ARMH4: variants seen among roughly 807,000 people sequenced by gnomAD.
ARMH4 encodes armadillo like helical domain containing 4, also known as armadillo-like helical domain-containing protein 4.
ARMH4 carries 49 observed loss-of-function variants against 61.9 expected under a neutral mutation model. The ratio of observed to expected loss-of-function variants is 0.79; its 90% confidence interval spans 0.63 to 1.00. The LOEUF is 1.00. Ranked by LOEUF, ARMH4 falls within the 50% of genes least tolerant of loss-of-function variation. ARMH4 has a pLI of 0.00. For missense variants in ARMH4, 934 were observed against 930.0 expected (o/e 1.00, Z -0.06); for synonymous variants, 368 against 341.5 (o/e 1.08, Z -0.85).
At chr14:58,048,511 G>A (rs549625133) in intron 5 of ARMH4, among the ~76,000 whole-genome samples, 3 of 152,290 alleles carry the variant, frequency 2.0e-5, no homozygotes, top group South Asian at 2.1e-4. Flanking sequence ...TGACCAGTGC[G>A]GCTTTCTCCA....
chr14:58,121,903 AT>A lies in ARMH4; in HGVS notation c.1831+9608del, dbSNP rs899925245. Among the ~76,000 whole-genome samples, 11 of 152,340 alleles carry A rather than the reference AT, an allele frequency of 7.2e-5. 1 individual carries two copies. Among genetic ancestry groups the A allele is most frequent in the African/African-American group, 2.6e-4 (11 of 41,578 alleles). On this transcript the variant is annotated intron_variant, in intron 4 of 7. Transcript: ENST00000267485. ...TGTTCGTGTTAATAGTTATAAAATT[AT>A]TTTTTATTTAATTCCCATTCAACAG...
At chr14:58,031,587 G>C (rs1015492515) in intron 5 of ARMH4, among the ~76,000 whole-genome samples, 1 of 152,148 alleles carries the variant, frequency 6.6e-6, no homozygotes, top group Non-Finnish European at 1.5e-5. Flanking sequence ...ACTTGTGCGA[G>C]GTTTTATACT....
rs1334191371 is a variant in ARMH4, at chr14:58,133,175, CT to C, written c.1535del (p.Gln512ArgfsTer50). The C allele has an allele frequency of 6.2e-7, 1 of 1,614,126 alleles. No homozygotes were observed. Among genetic ancestry groups the C allele is most frequent in the Admixed American group, 1.7e-5 (1 of 60,026 alleles). On this transcript the variant is annotated frameshift_variant, in exon 3 of 8. Coordinates refer to ENST00000267485, the MANE Select transcript of ARMH4 (RefSeq NM_001001872.4). LOFTEE classifies it high-confidence loss of function. ...SPVSDVPGVT[Q>X]LSRRWEPLAT... Reference sequence around the variant, plus strand: ...CCAGAGGCTCCCATCTTCTTGACAGCTGAGTAACACCAGGAACGTCAGACAC... The same window carrying C: ...CCAGAGGCTCCCATCTTCTTGACAGCGAGTAACACCAGGAACGTCAGACAC...
chr14:58,051,672 T>A (rs1291129880), intron 5 of ARMH4, among the ~76,000 whole-genome samples: 4 of 152,214 alleles, frequency 2.6e-5, no homozygotes, highest in African/African-American at 7.2e-5. Flanking sequence ...GTCCTTTTCA[T>A]TCCAGGGCAT....
chr14:58,130,262 T>A (rs1312990773), intron 4 of ARMH4, among the ~76,000 whole-genome samples: 1 of 152,226 alleles, frequency 6.6e-6, no homozygotes, highest in African/African-American at 2.4e-5. Flanking sequence ...CACTTTGATC[T>A]GTTTCTTAAA....
Position 58,138,039 on chromosome 14 carries a change from G to A in ARMH4, c.1320C>T (p.Val440=). 1.2e-6 allele frequency: 2 copies of A among 1,613,988 alleles called. No homozygotes were observed. Among genetic ancestry groups the A allele is most frequent in the African/African-American group, 1.3e-5 (1 of 74,998 alleles). Reference sequence around the variant, plus strand: ...GGTCTGCCTCAGACTCATATACAGAGACAGAAACAGTGGTTTCTAAGAAAA... The same window carrying A: ...GGTCTGCCTCAGACTCATATACAGAAACAGAAACAGTGGTTTCTAAGAAAA... The part of the protein sequence containing the change: ...ALFFLETTVS[V]SVYESEADQL... Residue 440 remains valine, a synonymous_variant, in exon 2 of 8, where the codon GTC becomes GTT. Coordinates refer to ENST00000267485, the MANE Select transcript of ARMH4 (RefSeq NM_001001872.4).
chr14:58,038,561 A>AAT (rs200063214), intron 5 of ARMH4, among the ~76,000 whole-genome samples: 6 of 101,266 alleles, frequency 5.9e-5, no homozygotes, highest in Admixed American at 3.5e-4. Context: ...ATAAAAAAAA[A>AAT]TTAAAAAAAA....
Position 58,139,088 on chromosome 14 carries a change from A to ATTTTT in ARMH4, c.270_271insAAAAA (p.Ser91LysfsTer57). ...CCAGGCTGGGTTTCTTTGTTAATCGAGAATGCTTTATTTAATGATGTTGCC... is the reference window on the plus strand; with the variant it reads ...CCAGGCTGGGTTTCTTTGTTAATCGATTTTTGAATGCTTTATTTAATGATGTTGCC... On this transcript the variant is annotated frameshift_variant, in exon 2 of 8. Transcript: ENST00000267485. LOFTEE classifies it high-confidence loss of function. The ATTTTT allele has an allele frequency of 6.2e-7, 1 of 1,614,168 alleles. No homozygotes were observed. The highest frequency in any genetic ancestry group is 8.5e-7 in the Non-Finnish European group (1 of 1,180,034).
intron 5 of ARMH4, among the ~76,000 whole-genome samples, chr14:58,018,470 A>C (rs1270393315): frequency 3.0e-5 from 1 of 33,530 alleles, no homozygotes; most frequent in Non-Finnish European, 7.5e-5. Context: ...ACATTTCTCA[A>C]AAAAAAAAAA....
At chr14:58,044,707 A>G (rs1222148573) in intron 5 of ARMH4, among the ~76,000 whole-genome samples, 1 of 152,170 alleles carries the variant, frequency 6.6e-6, no homozygotes, top group Non-Finnish European at 1.5e-5. Context: ...AAGTTTTGCA[A>G]TCTACTCATC....
chr14:58,024,968 C>T (rs1882973698), intron 5 of ARMH4, among the ~76,000 whole-genome samples: 1 of 151,990 alleles, frequency 6.6e-6, no homozygotes, highest in Non-Finnish European at 1.5e-5. Flanking sequence ...TCACAGATCA[C>T]CATGATAGAT....
chr14:58,107,608 A>G (rs751527414), intron 4 of ARMH4, among the ~76,000 whole-genome samples: 3 of 152,058 alleles, frequency 2.0e-5, no homozygotes, highest in African/African-American at 7.2e-5. Context: ...TATTAAAAAT[A>G]CAAAATTTAG....
rs755754705 is a variant in ARMH4, at chr14:58,028,789, C to T, written c.2090-16639G>A. On this transcript the variant is annotated intron_variant, in intron 5 of 7. Transcript: ENST00000267485. ...TGCATATTTAAAAATTTTGTTGTAA[C>T]GTATCCAGCACTTCTCTGTGTTTGT... Among the ~76,000 whole-genome samples, 9 of 152,180 alleles carry T rather than the reference C, an allele frequency of 5.9e-5. No homozygotes were observed. The South Asian group carries it at 6.2e-4, about 11-fold the overall frequency.
intron 5 of ARMH4, among the ~76,000 whole-genome samples, chr14:58,035,887 C>A (rs1285702245): frequency 1.4e-5 from 2 of 141,140 alleles, no homozygotes; most frequent in Non-Finnish European, 3.2e-5. Context: ...ATAACGGGCT[C>A]TGAAATTGTG....
chr14:58,149,537 T>A (rs1294009447), intron 1 of ARMH4, among the ~76,000 whole-genome samples: 1 of 152,210 alleles, frequency 6.6e-6, no homozygotes, highest in Admixed American at 6.5e-5. Context: ...TTACCATCCC[T>A]GAAGACCACA....
chr14:58,008,691 T>C (rs1055504149), intron 6 of ARMH4, among the ~76,000 whole-genome samples: 2 of 152,194 alleles, frequency 1.3e-5, no homozygotes. Flanking sequence ...AAAATGCAGA[T>C]TGTTGGGCCC....
At chr14:58,119,645 G>T (rs1003423296) in intron 4 of ARMH4, among the ~76,000 whole-genome samples, 7 of 152,104 alleles carry the variant, frequency 4.6e-5, no homozygotes, top group African/African-American at 1.7e-4. Flanking sequence ...CCTTTTGCCA[G>T]GAGTCTGAAC....
rs1164146899 is a variant in ARMH4, at chr14:58,138,007, A to C, written c.1352T>G (p.Leu451Trp). 6.2e-7 allele frequency: 1 copy of C among 1,606,578 alleles called. No individual in the cohort carries two copies. Among genetic ancestry groups the C allele is most frequent in the South Asian group, 1.1e-5 (1 of 90,774 alleles). The change falls in exon 2 of 8, where the codon TTG becomes TGG. Residue 451 changes from leucine (L) to tryptophan (W), a missense_variant. Transcript: ENST00000267485. Reference protein sequence around the residue: ...SVYESEADQLLGNTMKDIITQ... With the variant: ...SVYESEADQLWGNTMKDIITQ... Reference sequence around the variant, plus strand: ...TCTTTTACCTTTCATTGTATTTCCCAACAGTTGGTCTGCCTCAGACTCATA... The same window carrying C: ...TCTTTTACCTTTCATTGTATTTCCCCACAGTTGGTCTGCCTCAGACTCATA...
At chr14:58,032,923 T>G (rs571918174) in intron 5 of ARMH4, among the ~76,000 whole-genome samples, 45 of 150,892 alleles carry the variant, frequency 3.0e-4, no homozygotes, top group African/African-American at 1.0e-3. Context: ...TCTCGCTGAT[T>G]GCTAGCACAG....
Sources: allele counts gnomAD v4.1 joint callset (sites outside exome capture counted in the v4.1 genomes callset), GRCh38; gene constraint gnomAD v4.1.1; transcripts MANE v1.5; gene names NCBI Gene and HGNC (gene_info 2026-07-23, HGNC 2026-07-21).